HLCS: variants seen among roughly 807,000 people sequenced by gnomAD.
HLCS encodes the protein biotin--protein ligase.
HLCS carries 53 observed loss-of-function variants against 75.0 expected under a neutral mutation model. That is an observed-to-expected ratio of 0.71 (90% CI 0.57 to 0.89). HLCS has a LOEUF of 0.89. Among genes scored for constraint, HLCS ranks in the 40% least tolerant of loss-of-function variants. The probability of loss-of-function intolerance (pLI) is 0.00; values close to 1 mark genes in which losing one functional copy is unlikely to be tolerated. For synonymous variants in HLCS, 431 were observed against 428.6 expected, an observed-to-expected ratio of 1.01 and a Z score of -0.07; for missense variants, 966 against 1,074.0, an observed-to-expected ratio of 0.90 and a Z score of 1.41.
At chr21:36,884,710 T>G (rs1020446673) in intron 6 of HLCS, among the ~76,000 whole-genome samples, 4 of 152,250 alleles carry the variant, frequency 2.6e-5, no homozygotes, top group African/African-American at 9.6e-5. Context: ...TTGTGGTCTT[T>G]TATTGCTTGT....
intron 2 of HLCS, chr21:36,948,114 AC>A (rs1239617727): frequency 2.3e-5 from 6 of 259,840 alleles, no homozygotes; most frequent in Non-Finnish European, 3.6e-5. Context: ...GCATGGTGAA[AC>A]CCCCGCCTCT....
intron 6 of HLCS, among the ~76,000 whole-genome samples, chr21:36,781,830 CACTT>C (rs1390540383): frequency 2.0e-5 from 3 of 152,114 alleles, no homozygotes; most frequent in African/African-American, 2.4e-5. Context: ...GACTCACAGA[CACTT>C]ACAAGTCAGT....
chr21:36,938,311 C>T (rs1411067293), intron 3 of HLCS, among the ~76,000 whole-genome samples: 1 of 152,174 alleles, frequency 6.6e-6, no homozygotes, highest in Non-Finnish European at 1.5e-5. Flanking sequence ...GTCATGAAAA[C>T]TTCTTGTTTA....
At chr21:36,867,103 A>G (rs1039143753) in intron 6 of HLCS, among the ~76,000 whole-genome samples, 5 of 152,208 alleles carry the variant, frequency 3.3e-5, no homozygotes, top group African/African-American at 9.6e-5. Context: ...AACAATAGCT[A>G]TCCAGACTAA....
chr21:36,844,692 CTTT>C (rs149733958), intron 6 of HLCS, among the ~76,000 whole-genome samples: 1 of 142,692 alleles, frequency 7.0e-6, no homozygotes. Flanking sequence ...GAACGACTAT[CTTT>C]TTTTTTTTTT....
chr21:36,798,351 A>G (rs1290278373), intron 6 of HLCS, among the ~76,000 whole-genome samples: 1 of 152,132 alleles, frequency 6.6e-6, no homozygotes, highest in Non-Finnish European at 1.5e-5. Context: ...TTGTTCTTTT[A>G]TATTGCTTGG....
intron 6 of HLCS, among the ~76,000 whole-genome samples, chr21:36,800,215 T>C (rs1443527053): frequency 6.6e-6 from 1 of 152,182 alleles, no homozygotes; most frequent in Non-Finnish European, 1.5e-5. Flanking sequence ...AGGCACTACT[T>C]GTTGATGCTG....
chr21:36,772,535 A>G (rs997668588), intron 6 of HLCS, among the ~76,000 whole-genome samples: 1 of 148,576 alleles, frequency 6.7e-6, no homozygotes, highest in Admixed American at 6.8e-5. Context: ...GCTACTTGGG[A>G]GGCTGAGATG....
At chr21:36,966,820 C>CGGGAGGGGCGGGAGGGGCGG (rs1555974561), upstream of HLCS, among the ~76,000 whole-genome samples, 1 of 87,590 alleles carries the variant, frequency 1.1e-5, no homozygotes, top group African/African-American at 5.0e-5. Context: ...GCGGGAGGGG[C>CGGGAGGGGCGGGAGGGGCGG]GGGGGGGGGT....
intron 6 of HLCS, among the ~76,000 whole-genome samples, chr21:36,773,661 G>C (rs2060274391): frequency 6.6e-6 from 1 of 152,188 alleles, no homozygotes; most frequent in East Asian, 1.9e-4. Flanking sequence ...AGCTTACAGA[G>C]AGACACACAC....
At position 36,939,013 on chromosome 21, in the gene HLCS, G is replaced by A; in HGVS notation, c.331-19C>T. The A allele has an allele frequency of 6.3e-7, 1 of 1,590,630 alleles. No individual in the cohort carries two copies. Among genetic ancestry groups the A allele is most frequent in the Non-Finnish European group, 8.5e-7 (1 of 1,173,092 alleles). Reference sequence around the variant, plus strand: ...TGACAATCTGAGAAAAAGCAGGAGAGGGAGGAGGTGGGAAAAGACAGGTTG... The same window carrying A: ...TGACAATCTGAGAAAAAGCAGGAGAAGGAGGAGGTGGGAAAAGACAGGTTG... On this transcript the variant is annotated intron_variant, in intron 2 of 10. Transcript: ENST00000674895.
upstream of HLCS, chr21:36,969,600 G>C (rs1391243483): frequency 7.3e-6 from 1 of 136,792 alleles, no homozygotes; most frequent in African/African-American, 2.7e-5. Context: ...TTTTTTTTTA[G>C]ATGAAGTCTC....
At chr21:36,792,022 C>T (rs2145881936) in intron 6 of HLCS, among the ~76,000 whole-genome samples, 1 of 152,172 alleles carries the variant, frequency 6.6e-6, no homozygotes, top group East Asian at 1.9e-4. Flanking sequence ...TGTGGGCCAG[C>T]CACACAGACA....
rs371309727 is a variant in HLCS, at chr21:36,889,038, G to A, written c.1892+7822C>T. On this transcript the variant is annotated intron_variant, in intron 6 of 10. Transcript: ENST00000674895. ...GGCACTAGGATCTCCTTCTGCAAAC[G>A]CACCGTCAGGCATGGACGCTGCCTG... Among the ~76,000 whole-genome samples the A allele has an allele frequency of 2.0e-5, 3 of 152,068 alleles. No homozygotes were observed. The South Asian group carries it at 6.2e-4, about 32-fold the overall frequency.
intron 5 of HLCS, among the ~76,000 whole-genome samples, chr21:36,912,760 C>G (rs772901895): frequency 6.6e-6 from 1 of 151,724 alleles, no homozygotes; most frequent in Non-Finnish European, 1.5e-5. Flanking sequence ...AATTAGCCAC[C>G]CCCCCCAACC....
chr21:36,881,377 A>T (rs2064207411), intron 6 of HLCS, among the ~76,000 whole-genome samples: 1 of 152,186 alleles, frequency 6.6e-6, no homozygotes, highest in Non-Finnish European at 1.5e-5. Context: ...TTTGTCTAAC[A>T]GGGGCATGGA....
At chr21:36,846,146 A>G (rs960224088) in intron 6 of HLCS, among the ~76,000 whole-genome samples, 1 of 152,176 alleles carries the variant, frequency 6.6e-6, no homozygotes, top group Admixed American at 6.5e-5. Flanking sequence ...CATAGTAGAC[A>G]CTCCATAAAT....
At chr21:36,943,702 C>T (rs1201855646) in intron 2 of HLCS, 1 of 152,024 alleles carries the variant, frequency 6.6e-6, no homozygotes, top group African/African-American at 2.4e-5. Context: ...ACCTGTAGTC[C>T]CCGCTACTCA....
chr21:36,810,009 T>A (rs905706581), intron 6 of HLCS, among the ~76,000 whole-genome samples: 4 of 152,218 alleles, frequency 2.6e-5, no homozygotes, highest in African/African-American at 9.6e-5. Flanking sequence ...TCCCAAAGTG[T>A]CGGGATTACA....
Sources: allele counts gnomAD v4.1 joint callset (sites outside exome capture counted in the v4.1 genomes callset), GRCh38; gene constraint gnomAD v4.1.1; transcripts MANE v1.5; gene names NCBI Gene and HGNC (gene_info 2026-07-23, HGNC 2026-07-21).